NBAS: variants seen among roughly 807,000 people sequenced by gnomAD.
NBAS encodes the protein NAG/BC035112 fusion.
NBAS carries 219 observed loss-of-function variants against 302.5 expected under a neutral mutation model. The ratio of observed to expected loss-of-function variants is 0.72; its 90% CI spans 0.65 to 0.81. The LOEUF (loss-of-function observed/expected upper bound fraction) is 0.81, where lower values mean the gene tolerates loss of function less well. NBAS is among the 30% of genes least tolerant of loss of function. NBAS has a pLI of 0.00. For synonymous variants in NBAS, 1,118 were observed against 1,021.6 expected (o/e 1.09, Z -1.80); for missense variants, 2,932 against 2,841.6 (o/e 1.03, Z -0.72).
At chr2:15,495,166 G>A (rs887607776) in intron 11 of NBAS, among the ~76,000 whole-genome samples, 2 of 152,158 alleles carry the variant, frequency 1.3e-5, no homozygotes, top group Non-Finnish European at 2.9e-5. Flanking sequence ...CGTGACAAGA[G>A]ATCCTGGAGC....
the NBAS span, among the ~76,000 whole-genome samples, chr2:15,127,613 A>C: frequency 6.6e-6 from 1 of 152,214 alleles, no homozygotes; most frequent in African/African-American, 2.4e-5. Flanking sequence ...TTCTTCTTTT[A>C]AGACCTAATT....
rs187025241 is a variant in NBAS at position 15,408,371 on chromosome 2, A to T, written c.2938-6070T>A. On this transcript the variant is annotated intron_variant, in intron 25 of 51. Coordinates refer to ENST00000281513, the MANE Select transcript of NBAS (RefSeq NM_015909.4). The stretch of plus-strand genomic sequence containing the variant: ...TACTATTGTTCACCTTGCTTTTAAT[A>T]CTTCCCATACTTTTTCATTATTATT... 3.3e-3 allele frequency among the ~76,000 whole-genome samples: 509 copies of T among 152,246 alleles called. 2 individuals carry two copies. The highest frequency in any genetic ancestry group is 0.011 in the African/African-American group (467 of 41,538).
At chr2:14,908,864 TGGAA>T in the NBAS span, among the ~76,000 whole-genome samples, 1 of 152,074 alleles carries the variant, frequency 6.6e-6, no homozygotes, top group African/African-American at 2.4e-5. Context: ...TGCTCAGAGC[TGGAA>T]GGGTCTTCAG....
chr2:15,360,827 T>C lies in NBAS; in HGVS notation c.3818-4411A>G, dbSNP rs1673879046. ...CATAACACATGGAGCTATCATCTCC[T>C]ATGATATCAATGCCTTCTGGAATCC... is the stretch of plus-strand genomic sequence containing the variant. On this transcript the variant is annotated intron_variant, in intron 32 of 51. Coordinates refer to ENST00000281513, the MANE Select transcript of NBAS (RefSeq NM_015909.4). Among the ~76,000 whole-genome samples the C allele has an allele frequency of 2.0e-5, 3 of 152,170 alleles. No homozygotes were observed. The South Asian group carries it at 6.2e-4, about 32-fold the overall frequency.
At chr2:15,219,310 TTTTTTC>T (rs1309271801) in intron 47 of NBAS, among the ~76,000 whole-genome samples, 1 of 151,378 alleles carries the variant, frequency 6.6e-6, no homozygotes, top group Admixed American at 6.6e-5. Context: ...GTAATTTTTT[TTTTTTC>T]TTTTCTTTTT....
intron 6 of NBAS, among the ~76,000 whole-genome samples, chr2:15,540,414 C>T (rs1467438928): frequency 6.6e-6 from 1 of 151,992 alleles, no homozygotes; most frequent in Non-Finnish European, 1.5e-5. Context: ...CCTGCTTGGC[C>T]TACTAACAGG....
chr2:15,002,482 C>T, the NBAS span, among the ~76,000 whole-genome samples: 1 of 152,212 alleles, frequency 6.6e-6, no homozygotes, highest in Non-Finnish European at 1.5e-5. Flanking sequence ...CCCAGTGGAT[C>T]CCGCACCGGG....
At chr2:15,436,681 G>A (rs1395342790) in intron 21 of NBAS, among the ~76,000 whole-genome samples, 1 of 152,134 alleles carries the variant, frequency 6.6e-6, no homozygotes, top group Non-Finnish European at 1.5e-5. Context: ...GAAAAAAATT[G>A]AAACCTTCTG....
intron 48 of NBAS, among the ~76,000 whole-genome samples, chr2:15,214,636 A>C (rs1009799518): frequency 6.6e-6 from 1 of 152,200 alleles, no homozygotes; most frequent in African/African-American, 2.4e-5. Context: ...GGTTAAGTAA[A>C]TCATGACAGT....
the NBAS span, among the ~76,000 whole-genome samples, chr2:14,892,488 G>C: frequency 0.038 from 5,784 of 152,130 alleles, 139 homozygotes; most frequent in Non-Finnish European, 0.051. Context: ...TTTTTAAATC[G>C]CTTCTCTTCC....
the NBAS span, among the ~76,000 whole-genome samples, chr2:14,791,335 A>G: frequency 7.1e-3 from 1,078 of 152,286 alleles, 24 homozygotes; most frequent in African/African-American, 0.025. Context: ...TATCCCTAGT[A>G]TACAGTTGTC....
chr2:15,018,168 A>C, the NBAS span, among the ~76,000 whole-genome samples: 1 of 151,964 alleles, frequency 6.6e-6, no homozygotes, highest in African/African-American at 2.4e-5. Flanking sequence ...ATAGGGAGAG[A>C]TTTGTTAAAG....
chr2:15,445,530 AGCATT>A (rs1678687131), intron 21 of NBAS, among the ~76,000 whole-genome samples: 1 of 147,150 alleles, frequency 6.8e-6, no homozygotes, highest in African/African-American at 2.5e-5. Context: ...GGGGAGGGAT[AGCATT>A]GGGAGATATA....
chr2:15,215,119 C>G (rs900785392), intron 48 of NBAS, among the ~76,000 whole-genome samples: 1 of 152,070 alleles, frequency 6.6e-6, no homozygotes, highest in African/African-American at 2.4e-5. Context: ...TGAGGATTAA[C>G]ACAACACATT....
the NBAS span, among the ~76,000 whole-genome samples, chr2:14,926,380 T>C: frequency 6.6e-6 from 1 of 152,106 alleles, no homozygotes; most frequent in Admixed American, 6.5e-5. Flanking sequence ...GAGCCTTGAT[T>C]AAAGGGAGGA....
the NBAS span, among the ~76,000 whole-genome samples, chr2:14,912,844 C>T: frequency 6.6e-6 from 1 of 151,936 alleles, no homozygotes; most frequent in Non-Finnish European, 1.5e-5. Flanking sequence ...TATTCTATAT[C>T]CTGGTTTGTA....
intron 48 of NBAS, among the ~76,000 whole-genome samples, chr2:15,192,323 TGAA>T (rs1184790267): frequency 6.6e-6 from 1 of 151,564 alleles, no homozygotes; most frequent in Non-Finnish European, 1.5e-5. Context: ...ACTTATTGAG[TGAA>T]TTAACTAGTG....
chr2:15,300,206 A>G (rs1240841548), intron 40 of NBAS, among the ~76,000 whole-genome samples: 1 of 152,228 alleles, frequency 6.6e-6, no homozygotes, highest in Non-Finnish European at 1.5e-5. Context: ...CTAAGTTAGC[A>G]TTCCTGCAGC....
chr2:15,194,664 A>G (rs558165734), intron 48 of NBAS, among the ~76,000 whole-genome samples: 9 of 152,320 alleles, frequency 5.9e-5, no homozygotes, highest in African/African-American at 2.2e-4. Context: ...TCTTTTCCAC[A>G]TACATGTTCT....
Sources: allele counts gnomAD v4.1 joint callset (sites outside exome capture counted in the v4.1 genomes callset), GRCh38; gene constraint gnomAD v4.1.1; transcripts MANE v1.5; gene names NCBI Gene and HGNC (gene_info 2026-07-23, HGNC 2026-07-21).